The following TNXB variants were observed in gnomAD, a reference collection of about 807,000 sequenced individuals.
TNXB encodes tenascin-X.
Under a neutral mutation model 340.5 loss-of-function variants are expected in TNXB, and 183 were observed. The observed-to-expected ratio is 0.54, with a 90% CI of 0.48 to 0.61. The LOEUF is 0.61. Among genes scored for constraint, TNXB ranks in the 20% least tolerant of loss-of-function variants. The pLI, the probability that TNXB is intolerant of heterozygous loss-of-function variation, is 0.00. For synonymous variants in TNXB, 2,121 were observed against 2,314.5 expected, an observed-to-expected ratio of 0.92 and a Z score of 2.40; for missense variants, 4,613 against 5,446.4, an observed-to-expected ratio of 0.85 and a Z score of 4.82.
In TNXB at chr6:32,064,952, G is replaced by A. The variant is rs1273500963; in HGVS notation, c.6710C>T (p.Ala2237Val). The change falls in exon 19 of 44, where the codon GCG becomes GTG. Residue 2237 changes from alanine to valine, a missense_variant. This residue lies in a region of TNXB where 4,327 missense variants were observed against 4,859.4 expected (regional missense o/e 0.89). Coordinates refer to ENST00000644971, the MANE Select transcript of TNXB (RefSeq NM_001365276.2). The surrounding 1 kb of genome is among the most constrained non-coding windows in gnomAD (Gnocchi z 5.3). ...ATCCTCGTGTCCCGGCACCCGCACC[G>A]CCTTGGGCTGCCCGTCCCCATTCTT... ...QFKNGDGQPKAVRVPGHEDGV... is the reference protein window; with the variant it reads ...QFKNGDGQPKVVRVPGHEDGV... The A allele has an allele frequency of 5.0e-6, 8 of 1,612,674 alleles. No individual in the cohort carries two copies. The highest frequency in any genetic ancestry group is 1.3e-5 in the African/African-American group (1 of 74,910).
In TNXB at chr6:32,079,101, T is replaced by G. The variant is rs750204851; in HGVS notation, c.4307A>C (p.Tyr1436Ser). 1 of 1,613,754 alleles carries G rather than the reference T, an allele frequency of 6.2e-7. No individual in the cohort carries two copies. The highest frequency in any genetic ancestry group is 8.5e-7 in the Non-Finnish European group (1 of 1,179,884). ...GTGGAGGCCGTACAGGTGCATCTTG[T>G]ACTTGTGCCCGGGCTCTAGGCCTCC... ...TVGGLEPGHK[Y>S]KMHLYGLHEG... The change falls in exon 11 of 44, where the codon TAC (tyrosine) becomes TCC (serine). Residue 1436 changes from tyrosine (Y) to serine (S), a missense_variant. Tyr to Ser is a moderately radical substitution (Grantham distance 144). Around this residue, in one of 7 missense-constraint regions of TNXB, gnomAD observed 4,327 missense variants for 4,859.4 expected, o/e 0.89. Coordinates refer to ENST00000644971, the MANE Select transcript of TNXB (RefSeq NM_001365276.2). The surrounding 1 kb of genome is among the most constrained non-coding windows in gnomAD (Gnocchi z 7.1).
At position 32,079,248 on chromosome 6, in the gene TNXB, G is replaced by A; in HGVS notation, c.4160C>T (p.Ser1387Leu). ...ELTVTGSSPD[S>L]LSLFWTVPQG... ...GGGGACGGTCCAGAAGAGGCTCAGCGAATCAGGGGAGGATCCTGTCACTGT... is the reference window on the plus strand; with the variant it reads ...GGGGACGGTCCAGAAGAGGCTCAGCAAATCAGGGGAGGATCCTGTCACTGT... Residue 1387 changes from serine to leucine, a missense_variant, in exon 11 of 44, where the codon TCG becomes TTG. Coordinates refer to ENST00000644971, the MANE Select transcript of TNXB (RefSeq NM_001365276.2). This position sits in a 1 kb window ranked among gnomAD's most constrained non-coding sequence, Gnocchi z 7.1. 2.5e-6 allele frequency: 4 copies of A among 1,613,684 alleles called. No individual in the cohort carries two copies. Among genetic ancestry groups the A allele is most frequent in the South Asian group, 1.1e-5 (1 of 91,090 alleles).
At position 32,073,910 on chromosome 6, in the gene TNXB, A is replaced by G. The variant is rs1358275258; in HGVS notation, c.4418T>C (p.Leu1473Pro). 6.2e-7 allele frequency: 1 copy of G among 1,605,704 alleles called. No homozygotes were observed. Among genetic ancestry groups the G allele is most frequent in the Admixed American group, 1.7e-5 (1 of 59,892 alleles). Residue 1473 changes from leucine to proline, a missense_variant, in exon 12 of 44, where the codon CTG becomes CCG. By Grantham distance (98) the Leu-to-Pro change is moderately conservative (BLOSUM62 -3). This residue lies in a region of TNXB where 4,327 missense variants were observed against 4,859.4 expected (regional missense o/e 0.89). Transcript: ENST00000644971. This position sits in a 1 kb window ranked among gnomAD's most constrained non-coding sequence, Gnocchi z 4.6. ...EETPPATESP[L>P]EPRLGELTVT... ...TGTCAGCTCTCCTAGGCGTGGCTCC[A>G]GCGGGGACTCAGTGGCTGGAGGGGT... is the stretch of plus-strand genomic sequence containing the variant.
chr6:32,041,552 C>A, intron 43 of TNXB, 102 bp from the exon 44 acceptor site: 4 of 1,073,078 alleles, frequency 3.7e-6, no homozygotes, highest in Non-Finnish European at 5.6e-6. Flanking sequence ...AACCTCCCCG[C>A]AGAGCTCCCT....
chr6:32,098,058 T>C lies in TNXB; in HGVS notation c.141A>G (p.Thr47=). The C allele has an allele frequency of 1.9e-6, 3 of 1,606,588 alleles. No homozygotes were observed. Among genetic ancestry groups the C allele is most frequent in the South Asian group, 2.2e-5 (2 of 89,474 alleles). The change falls in exon 2 of 44, where the codon ACA becomes ACG. Residue 47 remains threonine (T), a synonymous_variant. Coordinates refer to ENST00000644971, the MANE Select transcript of TNXB (RefSeq NM_001365276.2). ...AGGGGCTTCCCACTCCAGCCCCCACTGTGTGGCCCCCTGGCTGGGGAGGGG... is the reference window on the plus strand; with the variant it reads ...AGGGGCTTCCCACTCCAGCCCCCACCGTGTGGCCCCCTGGCTGGGGAGGGG... ...PRPPPQPGGH[T]VGAGVGSPSS...
At chr6:32,063,875 C>A (rs1778171207) in intron 19 of TNXB, among the ~76,000 whole-genome samples, 2 of 151,980 alleles carry the variant, frequency 1.3e-5, no homozygotes, top group Admixed American at 6.6e-5. Context: ...AAGGAAAATG[C>A]CTTATTAAGT....
intron 29 of TNXB, 21 bp from the exon 30 acceptor site, chr6:32,048,033 C>G (rs1251267315): frequency 6.3e-7 from 1 of 1,595,202 alleles, no homozygotes; most frequent in Admixed American, 1.7e-5. Flanking sequence ...CAGTGAGGTG[C>G]ATGGAGAGTG....
chr6:32,078,976 G>A (rs1779270071), intron 11 of TNXB, 57 bp downstream of exon 11: 3 of 1,550,094 alleles, frequency 1.9e-6, no homozygotes, highest in African/African-American at 2.7e-5. Flanking sequence ...CTGGCTACAG[G>A]GAAGCTGGGA....
At chr6:32,057,508 G>C (rs1251257598) in intron 22 of TNXB, among the ~76,000 whole-genome samples, 1 of 152,170 alleles carries the variant, frequency 6.6e-6, no homozygotes. Flanking sequence ...CCACGGATGA[G>C]CTTCACACAG....
Position 32,067,566 on chromosome 6 carries a change from T to G in TNXB, c.6544+95A>C. 1 of 1,466,262 alleles carries G rather than the reference T, an allele frequency of 6.8e-7. No individual in the cohort carries two copies. The highest frequency in any genetic ancestry group is 1.3e-5 in the South Asian group (1 of 74,410). The allele number at this position is 1,466,262 out of a possible 1,614,324, so 90.8% of individuals were successfully genotyped here. The stretch of plus-strand genomic sequence containing the variant: ...TTAGTGAACAGGGTGTATTACAGGT[T>G]TGAGGTCTTGGGGTTCTGGGTCCCT... On this transcript the variant is annotated intron_variant, in intron 18 of 43. Coordinates refer to ENST00000644971, the MANE Select transcript of TNXB (RefSeq NM_001365276.2). The surrounding 1 kb of genome is among the most constrained non-coding windows in gnomAD (Gnocchi z 4.2).
At position 32,046,431 on chromosome 6, in the gene TNXB, G is replaced by A; in HGVS notation, c.10350C>T (p.Pro3450=). 6.3e-7 allele frequency: 1 copy of A among 1,576,302 alleles called. No homozygotes were observed. The highest frequency in any genetic ancestry group is 8.7e-7 in the Non-Finnish European group (1 of 1,154,100). ...TTAPLEKELP[P]HLGELTVAEE... ...CAGCCACGGTCAGTTCCCCCAGGTG[G>A]GGAGGTAGCTCCTTCTCCAGGGGAG... is the stretch of plus-strand genomic sequence containing the variant. The change falls in exon 31 of 44, where the codon CCC becomes CCT. Residue 3450 remains proline, a synonymous_variant. Transcript: ENST00000644971. The surrounding 1 kb of genome is among the most constrained non-coding windows in gnomAD (Gnocchi z 6.9).
rs974331748 is a variant in TNXB at position 32,047,449 on chromosome 6, C to T, written c.10324+285G>A. Among the ~76,000 whole-genome samples, 37 of 152,322 alleles carry T rather than the reference C, an allele frequency of 2.4e-4. No individual in the cohort carries two copies. The highest frequency in any genetic ancestry group is 8.2e-4 in the African/African-American group (34 of 41,564). On this transcript the variant is annotated intron_variant, in intron 30 of 43. Transcript: ENST00000644971. The surrounding 1 kb of genome is among the most constrained non-coding windows in gnomAD (Gnocchi z 6.2). ...GGACACTGAGGTCCCGGGGATGAAG[C>T]GGCTTGTCCATGGTCACCCTGGCAA... is the stretch of plus-strand genomic sequence containing the variant.
intron 4 of TNXB, among the ~76,000 whole-genome samples, chr6:32,091,541 G>T (rs930137920): frequency 6.6e-6 from 1 of 150,540 alleles, no homozygotes; most frequent in Non-Finnish European, 1.5e-5. Context: ...GCAATGGCAC[G>T]ATCTCAGCTC....
At chr6:32,059,028 G>A (rs1033912054) in intron 21 of TNXB, among the ~76,000 whole-genome samples, 4 of 151,878 alleles carry the variant, frequency 2.6e-5, no homozygotes, top group Non-Finnish European at 5.9e-5. Flanking sequence ...GCCGGCAGCT[G>A]GGGGAGAAAG....
At position 32,108,876 on chromosome 6, in the gene TNXB, G is replaced by C. The variant is rs1474582123; in HGVS notation, c.-9+305C>G. ...CTCACCAATAACCACCTCTACCCTG[G>C]TTCCACCATCTGACTCCCGGAGTCC... On this transcript the variant is annotated intron_variant, in intron 1 of 43. Coordinates refer to ENST00000644971, the MANE Select transcript of TNXB (RefSeq NM_001365276.2). This position sits in a 1 kb window ranked among gnomAD's most constrained non-coding sequence, Gnocchi z 4.8. 6.6e-6 allele frequency among the ~76,000 whole-genome samples: 1 copy of C among 152,052 alleles called. No individual in the cohort carries two copies. Among genetic ancestry groups the C allele is most frequent in the Non-Finnish European group, 1.5e-5 (1 of 68,006 alleles).
At chr6:32,095,350 G>A (rs749659471) in intron 3 of TNXB, among the ~76,000 whole-genome samples, 159 bp from the exon 4 acceptor site, 7 of 152,072 alleles carry the variant, frequency 4.6e-5, no homozygotes, top group Non-Finnish European at 8.8e-5. Context: ...GGCTTGGATC[G>A]CCTTCACCTT....
chr6:32,064,844 G>A lies in TNXB; in HGVS notation c.6818C>T (p.Pro2273Leu). ...ACCAGTTAAACCAACAGCAGACACG[G>A]GGCCCACGCGCTGGCCACCGTGGAA... ...YGFHGGQRVG[P>L]VSAVGLTAPG... The change falls in exon 19 of 44, where the codon CCC (proline) becomes CTC (leucine). Residue 2273 changes from proline (P) to leucine (L), a missense_variant. By Grantham distance (98) the Pro-to-Leu change is moderately conservative. Coordinates refer to ENST00000644971, the MANE Select transcript of TNXB (RefSeq NM_001365276.2). This position sits in a 1 kb window ranked among gnomAD's most constrained non-coding sequence, Gnocchi z 5.3. 1 of 1,610,720 alleles carries A rather than the reference G, an allele frequency of 6.2e-7. No individual in the cohort carries two copies. The highest frequency in any genetic ancestry group is 1.9e-4 in the Middle Eastern group (1 of 5,280).
chr6:32,056,184 G>A lies in TNXB; in HGVS notation c.8144-10C>T. The A allele has an allele frequency of 1.2e-6, 2 of 1,609,136 alleles. No homozygotes were observed. The highest frequency in any genetic ancestry group is 2.2e-5 in the East Asian group (1 of 44,798). ...GTCTCTTCCTCTGCAGCTGAGAAAA[G>A]GAGATATAGAGAGGATGCCAGGTGC... On this transcript the variant is annotated splice_polypyrimidine_tract_variant and intron_variant, in intron 23 of 43. Coordinates refer to ENST00000644971, the MANE Select transcript of TNXB (RefSeq NM_001365276.2).
In TNXB at chr6:32,062,277, G is replaced by T; in HGVS notation, c.7048C>A (p.Pro2350Thr). Residue 2350 changes from proline to threonine, a missense_variant, in exon 20 of 44, where the codon CCA becomes ACA. Coordinates refer to ENST00000644971, the MANE Select transcript of TNXB (RefSeq NM_001365276.2). This position sits in a 1 kb window ranked among gnomAD's most constrained non-coding sequence, Gnocchi z 4.3. The part of the protein sequence containing the change: ...GDGQPKATRV[P>T]GHEDRVTISG... ...ATGGTGACCCTGTCCTCATGTCCTGGCACCCGTGTTGCCTTGGGCTGCCCA... is the reference window on the plus strand; with the variant it reads ...ATGGTGACCCTGTCCTCATGTCCTGTCACCCGTGTTGCCTTGGGCTGCCCA... 1 of 1,613,354 alleles carries T rather than the reference G, an allele frequency of 6.2e-7. No homozygotes were observed. The highest frequency in any genetic ancestry group is 8.5e-7 in the Non-Finnish European group (1 of 1,179,848).
Sources: gnomAD v4.1 joint callset for allele counts (sites outside exome capture counted in the v4.1 genomes callset) on GRCh38, gnomAD v4.1.1 for gene constraint, gnomAD v4.1.1 regional missense constraint, Gnocchi (gnomAD v3.1) non-coding constraint, MANE v1.5 for transcripts, NCBI Gene and HGNC (gene_info 2026-07-23, HGNC 2026-07-21) for gene names.